GRIN1: variants seen among roughly 807,000 people sequenced by gnomAD.
The protein encoded by GRIN1 is glutamate receptor ionotropic, NMDA 1.
A neutral mutation model predicts 103.0 loss-of-function variants in GRIN1; 38 were observed. The observed-to-expected ratio is 0.37, with a 90% CI of 0.28 to 0.48. GRIN1 has a LOEUF of 0.48. Ranked by LOEUF, GRIN1 falls within the 20% of genes least tolerant of loss-of-function variation. The pLI, the probability that GRIN1 is intolerant of heterozygous loss-of-function variation, is 0.98. For missense variants in GRIN1, 577 were observed against 1,288.9 expected, an observed-to-expected ratio of 0.45 and a Z score of 8.46; for synonymous variants, 544 against 532.7, an observed-to-expected ratio of 1.02 and a Z score of -0.29.
At chr9:137,145,670 G>A in intron 2 of GRIN1, 56 bp from the exon 3 acceptor site, 5 of 1,466,766 alleles carry the variant, frequency 3.4e-6, no homozygotes, top group South Asian at 1.2e-5. Flanking sequence ...GGAGGCGGGT[G>A]GGAGGGCGGG....
At chr9:137,140,437 C>A (rs567765526) in intron 1 of GRIN1, among the ~76,000 whole-genome samples, 33 of 152,356 alleles carry the variant, frequency 2.2e-4, no homozygotes, top group African/African-American at 7.5e-4. Flanking sequence ...GACAGACATC[C>A]AGCCTAGCAC....
At chr9:137,161,830 C>T in intron 10 of GRIN1, 94 bp from the exon 11 acceptor site, 2 of 1,306,764 alleles carry the variant, frequency 1.5e-6, no homozygotes, top group South Asian at 2.5e-5. Flanking sequence ...GGAGAAGACC[C>T]CCGGAGTGCT....
At chr9:137,158,888 G>A (rs1181656192) in intron 8 of GRIN1, among the ~76,000 whole-genome samples, 184 bp downstream of exon 8, 1 of 152,204 alleles carries the variant, frequency 6.6e-6, no homozygotes, top group African/African-American at 2.4e-5. Context: ...GAGAACAGGA[G>A]GGAGGAGAGG....
At position 137,167,973 on chromosome 9, in the gene GRIN1, C is replaced by A; in HGVS notation, c.*446C>A. ...ACCCTGGGCCTCCCGTCCGTCCGCC[C>A]GCCCACCCCGCTGCCTGGCGGGCAG... On this transcript the variant is annotated 3_prime_UTR_variant, in exon 20 of 20. Transcript: ENST00000371561. The A allele has an allele frequency of 1.2e-6, 1 of 810,886 alleles. No homozygotes were observed. Among genetic ancestry groups the A allele is most frequent in the Non-Finnish European group, 2.0e-6 (1 of 489,464 alleles). 50.2% of individuals were successfully genotyped at this position (810,886 alleles called of 1,614,324 possible).
chr9:137,148,109 T>A, intron 3 of GRIN1: 1 of 1,269,280 alleles, frequency 7.9e-7, no homozygotes, highest in East Asian at 2.5e-5. Context: ...TTTATAATCT[T>A]CTTCTGTGTC....
intron 12 of GRIN1, 34 bp from the exon 13 acceptor site, chr9:137,162,370 G>A: frequency 2.6e-6 from 4 of 1,555,408 alleles, no homozygotes; most frequent in East Asian, 2.3e-5. Flanking sequence ...CGCCTCTCCC[G>A]CCCTCTCTCC....
intron 19 of GRIN1, among the ~76,000 whole-genome samples, chr9:137,166,678 G>A (rs1332238708): frequency 6.6e-6 from 1 of 152,278 alleles, no homozygotes; most frequent in Non-Finnish European, 1.5e-5. Context: ...AGGATGGGTG[G>A]ACAGTGAGAG....
At chr9:137,155,681 A>AC (rs1482066674) in intron 4 of GRIN1, among the ~76,000 whole-genome samples, 1 of 151,840 alleles carries the variant, frequency 6.6e-6, no homozygotes, top group Non-Finnish European at 1.5e-5. Flanking sequence ...GTGAGGGAAG[A>AC]CCCCCCAAAG....
intron 2 of GRIN1, among the ~76,000 whole-genome samples, chr9:137,144,463 G>A (rs1224492178): frequency 1.3e-5 from 2 of 151,792 alleles, no homozygotes; most frequent in Non-Finnish European, 2.9e-5. Flanking sequence ...GACCATCCTG[G>A]CTAATACGGT....
chr9:137,156,095 C>T (rs1833199940), intron 4 of GRIN1, among the ~76,000 whole-genome samples: 1 of 152,226 alleles, frequency 6.6e-6, no homozygotes, highest in Non-Finnish European at 1.5e-5. Context: ...CTTACCAACT[C>T]TTGTGTGTCC....
Position 137,158,721 on chromosome 9 carries a change from C to T in GRIN1, c.1197+17C>T, listed in dbSNP as rs1833370980. 1.3e-6 allele frequency: 2 copies of T among 1,586,986 alleles called. No homozygotes were observed. The highest frequency in any genetic ancestry group is 1.3e-5 in the African/African-American group (1 of 74,400). Reference sequence around the variant, plus strand: ...AGACTGAAGGTGGGGGCCCCACAGACCTCCCTCAGTGTCCCCACCCCAGAC... The same window carrying T: ...AGACTGAAGGTGGGGGCCCCACAGATCTCCCTCAGTGTCCCCACCCCAGAC... On this transcript the variant is annotated intron_variant, in intron 8 of 19. Transcript: ENST00000371561.
At position 137,156,905 on chromosome 9, in the gene GRIN1, C is replaced by T; in HGVS notation, c.836C>T (p.Ala279Val). ...CTCATCAACGGCAAGAACGAGTCGG[C>T]CCACATCAGCGACGCCGTGGGCGTG... ...LQLINGKNES[A>V]HISDAVGVVA... is the part of the protein sequence containing the mutation. Residue 279 changes from alanine to valine, a missense_variant, in exon 6 of 20, where the codon GCC becomes GTC. By Grantham distance (64) the Ala-to-Val change is moderately conservative (BLOSUM62 0). Transcript: ENST00000371561. The T allele has an allele frequency of 6.2e-7, 1 of 1,612,164 alleles. No homozygotes were observed. The highest frequency in any genetic ancestry group is 8.5e-7 in the Non-Finnish European group (1 of 1,179,766).
At chr9:137,163,482 C>A (rs1369160768) in intron 16 of GRIN1, 77 bp from the exon 17 acceptor site, 2 of 1,291,560 alleles carry the variant, frequency 1.5e-6, no homozygotes, top group African/African-American at 2.9e-5. Flanking sequence ...GCAGGCCCCG[C>A]CCCGGCCCCG....
intron 6 of GRIN1, 91 bp from the exon 7 acceptor site, chr9:137,158,288 A>G: frequency 4.3e-6 from 6 of 1,379,794 alleles, no homozygotes; most frequent in Non-Finnish European, 6.2e-6. Context: ...GAGCAGGGGG[A>G]AGGAGCAGGG....
intron 6 of GRIN1, 103 bp downstream of exon 6, chr9:137,157,140 ACT>A (rs1833278207): frequency 9.7e-7 from 1 of 1,027,766 alleles, no homozygotes. Context: ...GGGCGGGGCC[ACT>A]CTCCAGAGCT....
Position 137,145,753 on chromosome 9 carries a change from G to A in GRIN1, c.421G>A (p.Val141Met), listed in dbSNP as rs1293947350. 10 of 1,613,418 alleles carry A rather than the reference G, an allele frequency of 6.2e-6. No homozygotes were observed. The highest frequency in any genetic ancestry group is 2.2e-5 in the South Asian group (2 of 91,066). Reference sequence around the variant, plus strand: ...CATCCACCTGAGCTTCCTGCGCACCGTGCCGCCCTACTCCCACCAGTCCAG... The same window carrying A: ...CATCCACCTGAGCTTCCTGCGCACCATGCCGCCCTACTCCCACCAGTCCAG... ...KSIHLSFLRTVPPYSHQSSVW... is the reference protein window; with the variant it reads ...KSIHLSFLRTMPPYSHQSSVW... The change falls in exon 3 of 20, where the codon GTG becomes ATG. Residue 141 changes from valine to methionine, a missense_variant. This residue lies in a region of GRIN1 where 308 missense variants were observed against 553.6 expected (regional missense o/e 0.56). Coordinates refer to ENST00000371561, the MANE Select transcript of GRIN1 (RefSeq NM_007327.4).
chr9:137,162,370 G>T, intron 12 of GRIN1, 34 bp from the exon 13 acceptor site: 2 of 1,555,408 alleles, frequency 1.3e-6, no homozygotes, highest in East Asian at 2.3e-5. Flanking sequence ...CGCCTCTCCC[G>T]CCCTCTCTCC....
Position 137,167,466 on chromosome 9 carries a change from G to A in GRIN1, c.2756G>A (p.Arg919Gln), listed in dbSNP as rs1157296890. The A allele has an allele frequency of 6.4e-7, 1 of 1,560,294 alleles. No homozygotes were observed. The highest frequency in any genetic ancestry group is 1.9e-5 in the Admixed American group (1 of 52,362). The change falls in exon 20 of 20, where the codon CGA (arginine) becomes CAA (glutamine). Residue 919 changes from arginine to glutamine, a missense_variant. By Grantham distance (43) the Arg-to-Gln change is conservative (BLOSUM62 1). This residue lies in a region of GRIN1 where 68 missense variants were observed against 113.0 expected (regional missense o/e 0.60). Coordinates refer to ENST00000371561, the MANE Select transcript of GRIN1 (RefSeq NM_007327.4). ...AACCAAAAAGACACAGTGCTGCCGC[G>A]ACGCGCTATTGAGAGGGAGGAGGGC... ...LQNQKDTVLP[R>Q]RAIEREEGQL...
At chr9:137,154,222 T>A (rs752981438) in intron 4 of GRIN1, among the ~76,000 whole-genome samples, 19 of 150,706 alleles carry the variant, frequency 1.3e-4, no homozygotes, top group Non-Finnish European at 2.5e-4. Flanking sequence ...CCTCCCAGGT[T>A]CAAGTGATTC....
Sources: allele counts gnomAD v4.1 joint callset (sites outside exome capture counted in the v4.1 genomes callset), GRCh38; gene constraint gnomAD v4.1.1; regional missense constraint gnomAD v4.1.1; transcripts MANE v1.5; gene names NCBI Gene and HGNC (gene_info 2026-07-23, HGNC 2026-07-21).